EML6: variants seen among roughly 807,000 people sequenced by gnomAD.
EML6 encodes echinoderm microtubule-associated protein-like 6.
Under a neutral mutation model 240.1 loss-of-function variants are expected in EML6, and 154 were observed. The observed-to-expected ratio is 0.64, with a 90% CI of 0.56 to 0.73. EML6 has a LOEUF of 0.73. Ranked by LOEUF, EML6 falls within the 30% of genes least tolerant of loss-of-function variation. The probability of loss-of-function intolerance (pLI) is 0.00; values close to 1 mark genes in which losing one functional copy is unlikely to be tolerated. For missense variants in EML6, 2,964 were observed against 2,474.6 expected (o/e 1.20, Z -4.20); for synonymous variants, 1,148 against 899.0 (o/e 1.28, Z -4.95).
intron 4 of EML6, among the ~76,000 whole-genome samples, chr2:54,817,891 A>G (rs1029888682): frequency 1.3e-5 from 2 of 152,144 alleles, no homozygotes; most frequent in South Asian, 2.1e-4. Flanking sequence ...ATTCTACTCC[A>G]GGATCAAGTC....
intron 17 of EML6, chr2:54,882,679 A>C (rs1402335297): frequency 2.0e-5 from 3 of 151,804 alleles, no homozygotes; most frequent in African/African-American, 4.8e-5. Context: ...TAACAGGGTG[A>C]AACCCCGTCT....
At chr2:54,845,076 A>T (rs1669676166) in intron 8 of EML6, among the ~76,000 whole-genome samples, 1 of 152,170 alleles carries the variant, frequency 6.6e-6, no homozygotes, top group African/African-American at 2.4e-5. Flanking sequence ...AACAATGCAA[A>T]CTGGACTAAA....
Position 54,961,184 on chromosome 2 carries a change from G to GTTGTTTTTTTTGTTTTGTTTTTGTTT in EML6, c.4968+852_4968+853insGTTTTTTTTGTTTTGTTTTTGTTTTT. On this transcript the variant is annotated intron_variant, in intron 35 of 41. Coordinates refer to ENST00000356458, the MANE Select transcript of EML6 (RefSeq NM_001039753.4). Reference sequence around the variant, plus strand: ...GGAGCCTGGAAGTTATCAGGAAGTAGTTTTTTTTTTTTTTTTTTTGAGACG... The same window carrying GTTGTTTTTTTTGTTTTGTTTTTGTTT: ...GGAGCCTGGAAGTTATCAGGAAGTAGTTGTTTTTTTTGTTTTGTTTTTGTTTTTTTTTTTTTTTTTTTTTTGAGACG... Among the ~76,000 whole-genome samples, 2 of 55,424 alleles carry GTTGTTTTTTTTGTTTTGTTTTTGTTT rather than the reference G, an allele frequency of 3.6e-5. 1 individual carries two copies. Among genetic ancestry groups the GTTGTTTTTTTTGTTTTGTTTTTGTTT allele is most frequent in the Non-Finnish European group, 6.3e-5 (2 of 31,670 alleles). The allele number at this position is 55,424 out of a possible 152,430, so 36.4% of individuals were successfully genotyped here. A position where few individuals can be genotyped will look rare whatever the true frequency, so the allele number is the denominator to read the frequency against.
chr2:54,726,445 C>CT (rs10717514), intron 2 of EML6, among the ~76,000 whole-genome samples: 5 of 150,974 alleles, frequency 3.3e-5, no homozygotes, highest in South Asian at 2.1e-4. Context: ...ATTCCAGAGC[C>CT]TTTTTTTTTT....
intron 19 of EML6, among the ~76,000 whole-genome samples, chr2:54,893,926 T>G (rs1464853410): frequency 6.6e-6 from 1 of 152,176 alleles, no homozygotes; most frequent in Non-Finnish European, 1.5e-5. Context: ...AGAAAGAATT[T>G]CTGTAGGCCC....
chr2:54,792,102 T>C (rs1240973457), intron 2 of EML6, among the ~76,000 whole-genome samples: 1 of 152,168 alleles, frequency 6.6e-6, no homozygotes, highest in Non-Finnish European at 1.5e-5. Flanking sequence ...ATGTGATTTG[T>C]AGAAGGAGTA....
chr2:54,791,196 C>A (rs553277116), intron 2 of EML6, among the ~76,000 whole-genome samples: 2 of 151,948 alleles, frequency 1.3e-5, no homozygotes, highest in East Asian at 3.9e-4. Context: ...TCCTGCTTCT[C>A]CTGAGTTGCA....
At chr2:54,849,877 C>T (rs768540491) in intron 9 of EML6, 85 bp from the exon 10 acceptor site, 72 of 1,117,200 alleles carry the variant, frequency 6.4e-5, no homozygotes, top group Non-Finnish European at 9.0e-5. Context: ...TTTCAACACA[C>T]TTCTTTTTCT....
rs879334243 is a variant in EML6 at position 54,961,193 on chromosome 2, T to G, written c.4968+859T>G. Among the ~76,000 whole-genome samples the G allele has an allele frequency of 1.7e-5, 2 of 114,888 alleles. 1 individual carries two copies. Among genetic ancestry groups the G allele is most frequent in the Non-Finnish European group, 3.6e-5 (2 of 56,150 alleles). 75.4% of individuals were successfully genotyped at this position (114,888 alleles called of 152,430 possible). On this transcript the variant is annotated intron_variant, in intron 35 of 41. Transcript: ENST00000356458. ...AAGTTATCAGGAAGTAGTTTTTTTT[T>G]TTTTTTTTTTGAGACGGAGTCTTGC... is the stretch of plus-strand genomic sequence containing the variant.
At chr2:54,799,166 T>G (rs1669980161) in intron 2 of EML6, among the ~76,000 whole-genome samples, 1 of 152,218 alleles carries the variant, frequency 6.6e-6, no homozygotes, top group Non-Finnish European at 1.5e-5. Context: ...ATTCAAGTGA[T>G]TCTCTTGCCT....
rs577971335 is a variant in EML6, at chr2:54,907,236, T to C, written c.3410-3718T>C. On this transcript the variant is annotated intron_variant, in intron 24 of 41. Transcript: ENST00000356458. ...ACAAATTAACAATTTGAAGGCTGGG[T>C]GCGGTGGCTCACACCTGTATTCTCA... is the stretch of plus-strand genomic sequence containing the variant. 8.0e-4 allele frequency among the ~76,000 whole-genome samples: 122 copies of C among 152,300 alleles called. 2 individuals carry two copies. Among genetic ancestry groups the C allele is most frequent in the African/African-American group, 2.9e-3 (120 of 41,554 alleles).
At chr2:54,780,193 T>A (rs915923774) in intron 2 of EML6, among the ~76,000 whole-genome samples, 1 of 152,186 alleles carries the variant, frequency 6.6e-6, no homozygotes, top group Admixed American at 6.5e-5. Context: ...AATAACACAA[T>A]GAAATGCCTT....
At chr2:54,900,817 G>A (rs1226872763) in intron 22 of EML6, among the ~76,000 whole-genome samples, 1 of 152,142 alleles carries the variant, frequency 6.6e-6, no homozygotes, top group Non-Finnish European at 1.5e-5. Context: ...GGATGTGAAA[G>A]GACAAACTAA....
Position 54,844,221 on chromosome 2 carries a change from T to C in EML6, c.1022T>C (p.Val341Ala). ...LALHPKKPLAVTGSDDRSVRL... is the reference protein window; with the variant it reads ...LALHPKKPLAATGSDDRSVRL... ...CTGCACCCCAAGAAGCCTCTGGCTG[T>C]GACAGGCAGCGATGACCGCTCTGTC... The change falls in exon 8 of 42, where the codon GTG (valine) becomes GCG (alanine). Residue 341 changes from valine to alanine, a missense_variant. By Grantham distance (64) the Val-to-Ala change is moderately conservative (BLOSUM62 0). Transcript: ENST00000356458. The C allele has an allele frequency of 6.4e-7, 1 of 1,551,698 alleles. No homozygotes were observed. The highest frequency in any genetic ancestry group is 1.2e-5 in the South Asian group (1 of 84,054).
chr2:54,915,206 T>C (rs1346048492), intron 25 of EML6, among the ~76,000 whole-genome samples: 2 of 152,180 alleles, frequency 1.3e-5, no homozygotes, highest in African/African-American at 4.8e-5. Flanking sequence ...AGTTCGACAT[T>C]TGCTTCCCCT....
intron 16 of EML6, 124 bp from the exon 17 acceptor site, chr2:54,879,423 A>T: frequency 1.5e-6 from 1 of 663,226 alleles, no homozygotes; most frequent in South Asian, 1.9e-5. Context: ...CAGGGCAGCT[A>T]TCACATCCAT....
intron 2 of EML6, among the ~76,000 whole-genome samples, chr2:54,785,306 G>A (rs531252234): frequency 3.3e-5 from 5 of 151,792 alleles, no homozygotes; most frequent in African/African-American, 4.8e-5. Flanking sequence ...CTCTCGAGCA[G>A]CTGGGATTAC....
At chr2:54,820,240 C>T (rs1448047069) in intron 4 of EML6, among the ~76,000 whole-genome samples, 154 bp from the exon 5 acceptor site, 2 of 152,160 alleles carry the variant, frequency 1.3e-5, no homozygotes, top group Non-Finnish European at 1.5e-5. Context: ...GTGTTAGTTC[C>T]TGACTCATTC....
chr2:54,866,763 A>G lies in EML6; in HGVS notation c.1933-3A>G, dbSNP rs1558629937. ...CACCCAGATGTTTCTGTTGTACTTTAAGGTTTACAAAGAAGATCTACCTCA... is the reference window on the plus strand; with the variant it reads ...CACCCAGATGTTTCTGTTGTACTTTGAGGTTTACAAAGAAGATCTACCTCA... On this transcript the variant is annotated splice_region_variant and splice_polypyrimidine_tract_variant and intron_variant, in intron 13 of 41. Transcript: ENST00000356458. 6.5e-7 allele frequency: 1 copy of G among 1,534,602 alleles called. No homozygotes were observed. The highest frequency in any genetic ancestry group is 2.5e-5 in the East Asian group (1 of 40,812).
Sources: allele counts gnomAD v4.1 joint callset (sites outside exome capture counted in the v4.1 genomes callset), GRCh38; gene constraint gnomAD v4.1.1; transcripts MANE v1.5; gene names NCBI Gene and HGNC (gene_info 2026-07-23, HGNC 2026-07-21).